The following COL27A1 variants were observed in gnomAD, a reference collection of about 807,000 sequenced individuals.
COL27A1 encodes the protein collagen alpha-1(XXVII) chain.
A neutral mutation model predicts 251.3 loss-of-function variants in COL27A1; 106 were observed. The ratio of observed to expected loss-of-function variants is 0.42; its 90% CI spans 0.36 to 0.50. The LOEUF (loss-of-function observed/expected upper bound fraction) is 0.50, where lower values mean the gene tolerates loss of function less well. Ranked by LOEUF, COL27A1 falls within the 20% of genes least tolerant of loss-of-function variation. The pLI, the probability that COL27A1 is intolerant of heterozygous loss-of-function variation, is 0.00. For missense variants in COL27A1, 2,325 were observed against 2,522.8 expected (o/e 0.92, Z 1.68); for synonymous variants, 1,000 against 986.3 (o/e 1.01, Z -0.26).
chr9:114,203,744 G>T (rs144776832), intron 7 of COL27A1, among the ~76,000 whole-genome samples: 3 of 152,282 alleles, frequency 2.0e-5, no homozygotes, highest in African/African-American at 7.2e-5. Context: ...CTGATGGGGG[G>T]TGTTGAGTGT....
Position 114,173,654 on chromosome 9 carries a change from G to A in COL27A1, c.1908+4191G>A, listed in dbSNP as rs58126295. Among the ~76,000 whole-genome samples the A allele has an allele frequency of 3.8e-3, 579 of 152,084 alleles. 7 individuals carry two copies. The highest frequency in any genetic ancestry group is 0.014 in the African/African-American group (570 of 41,482). On this transcript the variant is annotated intron_variant, in intron 3 of 60. Transcript: ENST00000356083. The stretch of plus-strand genomic sequence containing the variant: ...TCTGCCTCTATAAAATGGGGATACG[G>A]TGCCACCTACCTTTCCAGGGTCGTT...
At position 114,232,689 on chromosome 9, in the gene COL27A1, C is replaced by A. The variant is rs192118715; in HGVS notation, c.2565+823C>A. Among the ~76,000 whole-genome samples the A allele has an allele frequency of 9.9e-4, 151 of 152,334 alleles. 2 individuals carry two copies. Among genetic ancestry groups the A allele is most frequent in the African/African-American group, 3.6e-3 (150 of 41,570 alleles). ...CTAGGTGCCTCTGCTTCCTCCTACACCTGAGTCATAAGGTCAGGTGCCATG... is the reference window on the plus strand; with the variant it reads ...CTAGGTGCCTCTGCTTCCTCCTACAACTGAGTCATAAGGTCAGGTGCCATG... On this transcript the variant is annotated intron_variant, in intron 16 of 60. Transcript: ENST00000356083.
chr9:114,306,724 G>T, intron 58 of COL27A1, 36 bp downstream of exon 58: 1 of 1,604,062 alleles, frequency 6.2e-7, no homozygotes, highest in Non-Finnish European at 8.5e-7. Context: ...GGTGCGCCTG[G>T]CGGTGGGGAG....
intron 27 of COL27A1, among the ~76,000 whole-genome samples, chr9:114,254,632 C>T (rs1259179985): frequency 2.0e-5 from 3 of 152,144 alleles, no homozygotes; most frequent in Admixed American, 2.0e-4. Context: ...AAAGTCCAGA[C>T]TGAGGAGTTC....
Position 114,309,331 on chromosome 9 carries a change from C to T in COL27A1, c.5289C>T (p.Ile1763=), listed in dbSNP as rs916291602. ...HLLSSEVTQH[I]TIHCLNMTVW... is the part of the protein sequence containing the mutation. Reference sequence around the variant, plus strand: ...TAAGCTCCGAGGTGACCCAGCACATCACCATCCACTGCCTTAACATGACCG... The same window carrying T: ...TAAGCTCCGAGGTGACCCAGCACATTACCATCCACTGCCTTAACATGACCG... Residue 1763 remains isoleucine, a synonymous_variant, in exon 60 of 61, where the codon ATC becomes ATT. Transcript: ENST00000356083. 5.6e-6 allele frequency: 9 copies of T among 1,614,050 alleles called. No homozygotes were observed. The highest frequency in any genetic ancestry group is 6.8e-6 in the Non-Finnish European group (8 of 1,180,050).
chr9:114,221,138 C>T (rs1340175279), intron 13 of COL27A1, among the ~76,000 whole-genome samples: 3 of 152,114 alleles, frequency 2.0e-5, no homozygotes, highest in East Asian at 1.9e-4. Context: ...AGTTCATGGG[C>T]CATTGCCCTC....
intron 24 of COL27A1, among the ~76,000 whole-genome samples, chr9:114,248,680 G>T (rs530087594): frequency 1.3e-5 from 2 of 152,286 alleles, no homozygotes; most frequent in East Asian, 1.9e-4. Context: ...ACCCCGGGGG[G>T]GTCCCAGGGG....
rs565583448 is a variant in COL27A1 at position 114,232,185 on chromosome 9, C to G, written c.2565+319C>G. 3.3e-5 allele frequency among the ~76,000 whole-genome samples: 5 copies of G among 152,270 alleles called. 1 individual carries two copies. In the East Asian group the frequency reaches 9.7e-4, roughly 29 times the overall value. Reference sequence around the variant, plus strand: ...CAGCATCTGGGATTTGAAGGCAAAGCCACAGAGCAAGGAGGGTGGCAGTGA... The same window carrying G: ...CAGCATCTGGGATTTGAAGGCAAAGGCACAGAGCAAGGAGGGTGGCAGTGA... On this transcript the variant is annotated intron_variant, in intron 16 of 60. Coordinates refer to ENST00000356083, the MANE Select transcript of COL27A1 (RefSeq NM_032888.4).
In COL27A1 at chr9:114,306,707, G is replaced by A. The variant is rs775663887; in HGVS notation, c.5107+19G>A. On this transcript the variant is annotated intron_variant, in intron 58 of 60. Coordinates refer to ENST00000356083, the MANE Select transcript of COL27A1 (RefSeq NM_032888.4). ...GTGGATGGTGAGAAGGCTTCCTGCC[G>A]GGGGTGGGTGCGCCTGGCGGTGGGG... 1.1e-5 allele frequency: 17 copies of A among 1,607,212 alleles called. No individual in the cohort carries two copies. Among genetic ancestry groups the A allele is most frequent in the Admixed American group, 5.1e-5 (3 of 58,708 alleles).
intron 18 of COL27A1, 25 bp from the exon 19 acceptor site, chr9:114,237,637 C>G: frequency 1.2e-6 from 2 of 1,612,022 alleles, no homozygotes; most frequent in Non-Finnish European, 1.7e-6. Flanking sequence ...ACCCCTGCCT[C>G]CCTGCAACCT....
At chr9:114,309,947 G>T (rs1829330860) in intron 60 of COL27A1, among the ~76,000 whole-genome samples, 1 of 152,182 alleles carries the variant, frequency 6.6e-6, no homozygotes, top group Non-Finnish European at 1.5e-5. Flanking sequence ...TGAGGATGTG[G>T]GGAAACCAAC....
chr9:114,155,252 C>T (rs908609409), upstream of COL27A1, among the ~76,000 whole-genome samples: 4 of 152,000 alleles, frequency 2.6e-5, no homozygotes, highest in African/African-American at 9.7e-5. This position sits in a 1 kb window ranked among gnomAD's most constrained non-coding sequence, Gnocchi z 5.5. Flanking sequence ...TGGAGGACCC[C>T]CAGCCTCACC....
rs200309675 is a variant in COL27A1 at position 114,168,094 on chromosome 9, C to G, written c.539C>G (p.Pro180Arg). The G allele has an allele frequency of 1.9e-6, 3 of 1,611,688 alleles. No individual in the cohort carries two copies. The highest frequency in any genetic ancestry group is 2.7e-5 in the African/African-American group (2 of 75,064). The change falls in exon 3 of 61, where the codon CCT (proline) becomes CGT (arginine). Residue 180 changes from proline (P) to arginine (R), a missense_variant. Pro to Arg is a moderately radical substitution (Grantham distance 103). Around this residue, in one of 4 missense-constraint regions of COL27A1, gnomAD observed 1,183 missense variants for 1,144.1 expected, o/e 1.03. Coordinates refer to ENST00000356083, the MANE Select transcript of COL27A1 (RefSeq NM_032888.4). ...LVTACGQRRV[P>R]VLLPFHRDPA... The stretch of plus-strand genomic sequence containing the variant: ...ACTGCCTGCGGGCAGCGCCGGGTGC[C>G]TGTCCTGCTGCCTTTCCACAGGGAC...
In COL27A1 at chr9:114,240,188, C is replaced by T. The variant is rs80004773; in HGVS notation, c.2728-32C>T. 140 of 1,600,848 alleles carry T rather than the reference C, an allele frequency of 8.7e-5. No homozygotes were observed. In the East Asian group the frequency reaches 1.9e-3, roughly 21 times the overall value. ...CCCGTAGCACTCCCTTCACAGCCCC[C>T]GTGGGTGACCCTGCTCTCTGCTTCC... On this transcript the variant is annotated intron_variant, in intron 19 of 60. Coordinates refer to ENST00000356083, the MANE Select transcript of COL27A1 (RefSeq NM_032888.4).
intron 5 of COL27A1, among the ~76,000 whole-genome samples, chr9:114,193,479 C>T (rs766386274): frequency 6.6e-6 from 1 of 152,150 alleles, no homozygotes; most frequent in Admixed American, 6.5e-5. Context: ...CCTGTTCTAA[C>T]TCAGCAGGAG....
intron 49 of COL27A1, among the ~76,000 whole-genome samples, chr9:114,296,514 A>T (rs1342505945): frequency 6.6e-6 from 1 of 152,262 alleles, no homozygotes; most frequent in African/African-American, 2.4e-5. Context: ...GCTATGGCAT[A>T]CCTATTAAAA....
At chr9:114,284,227 G>C (rs1836113907) in intron 40 of COL27A1, among the ~76,000 whole-genome samples, 1 of 152,228 alleles carries the variant, frequency 6.6e-6, no homozygotes, top group African/African-American at 2.4e-5. Context: ...ACTTCAGTTT[G>C]GAGGTGGGAT....
chr9:114,183,138 G>C (rs759675121), intron 5 of COL27A1, 63 bp downstream of exon 5: 235 of 1,486,918 alleles, frequency 1.6e-4, no homozygotes, highest in Non-Finnish European at 2.0e-4. Context: ...TGTTTGCAGT[G>C]CTTCCCAGGG....
At chr9:114,278,855 C>T (rs1471967919) in intron 37 of COL27A1, among the ~76,000 whole-genome samples, 1 of 152,008 alleles carries the variant, frequency 6.6e-6, no homozygotes, top group African/African-American at 2.4e-5. Flanking sequence ...GGCCTGGAAA[C>T]AGTTGAGTAT....
Sources: gnomAD v4.1 joint callset for allele counts (sites outside exome capture counted in the v4.1 genomes callset) on GRCh38, gnomAD v4.1.1 for gene constraint, gnomAD v4.1.1 regional missense constraint, Gnocchi (gnomAD v3.1) non-coding constraint, MANE v1.5 for transcripts, NCBI Gene and HGNC (gene_info 2026-07-23, HGNC 2026-07-21) for gene names.